The following ZNF540 variants were observed in gnomAD, a reference collection of about 807,000 sequenced individuals.
ZNF540 encodes zinc finger protein 540.
In ZNF540, 3 loss-of-function variants were observed where a neutral mutation model predicts 11.8. The ratio of observed to expected loss-of-function variants is 0.25; its 90% CI spans 0.12 to 0.65. ZNF540 has a LOEUF of 0.65. Among genes scored for constraint, ZNF540 ranks in the 30% least tolerant of loss-of-function variants. The probability of loss-of-function intolerance (pLI) is 0.83; values close to 1 mark genes in which losing one functional copy is unlikely to be tolerated. For missense variants in ZNF540, 709 were observed against 793.1 expected (o/e 0.89, Z 1.27); for synonymous variants, 247 against 259.0 (o/e 0.95, Z 0.45).
Position 37,602,579 on chromosome 19 carries a change from T to G in ZNF540, c.232+1474T>G, listed in dbSNP as rs568173150. 2.0e-5 allele frequency among the ~76,000 whole-genome samples: 3 copies of G among 152,240 alleles called. No homozygotes were observed. In the East Asian group the frequency reaches 5.8e-4, roughly 29 times the overall value. On this transcript the variant is annotated intron_variant, in intron 4 of 4. Coordinates refer to ENST00000316433, the MANE Select transcript of ZNF540 (RefSeq NM_001172225.3). ...ACAGAAAGTTTGCTGATTCCCTCCC[T>G]TTAGCGAATGAGTTTCATAGAATGA...
intron 4 of ZNF540, 196 bp from the exon 5 acceptor site, chr19:37,611,317 G>A (rs567136120): frequency 5.8e-5 from 24 of 414,232 alleles, no homozygotes; most frequent in Middle Eastern, 7.1e-4. Context: ...ATGAGCCACC[G>A]CGCCCGGCTA....
At chr19:37,603,624 A>ATC (rs2044057662) in intron 4 of ZNF540, among the ~76,000 whole-genome samples, 1 of 152,124 alleles carries the variant, frequency 6.6e-6, no homozygotes, top group Non-Finnish European at 1.5e-5. Flanking sequence ...GTTTACTTGC[A>ATC]TCTCAATAGC....
chr19:37,571,124 A>G (rs1020823751), intron 1 of ZNF540, among the ~76,000 whole-genome samples: 7 of 152,178 alleles, frequency 4.6e-5, no homozygotes, highest in African/African-American at 1.7e-4. Context: ...AGCATTTCTC[A>G]TCCAAATGCC....
At chr19:37,574,135 T>G (rs2043163406) in intron 1 of ZNF540, among the ~76,000 whole-genome samples, 1 of 152,212 alleles carries the variant, frequency 6.6e-6, no homozygotes, top group South Asian at 2.1e-4. Flanking sequence ...TATTTAAAAC[T>G]ATACTCTTTA....
At chr19:37,602,267 T>TA (rs60423940) in intron 4 of ZNF540, among the ~76,000 whole-genome samples, 3,751 of 152,178 alleles carry the variant, frequency 0.025, 167 homozygotes, top group African/African-American at 0.085. Context: ...AAGATGGAAA[T>TA]AGAGTCCTGA....
Position 37,581,725 on chromosome 19 carries a change from A to G in ZNF540, c.-72-16651A>G, listed in dbSNP as rs538040675. ...CAATTCACCCACCTCAGCCTCCCAA[A>G]GTACTGGGATTACAGGCTTGAGCCA... On this transcript the variant is annotated intron_variant, in intron 1 of 4. Transcript: ENST00000592533. Among the ~76,000 whole-genome samples the G allele has an allele frequency of 1.6e-3, 237 of 151,832 alleles. 6 individuals carry two copies. Among genetic ancestry groups the G allele is most frequent in the Admixed American group, 0.015 (222 of 15,270 alleles).
upstream of ZNF540, among the ~76,000 whole-genome samples, chr19:37,591,839 T>C (rs2043877742): frequency 6.6e-6 from 1 of 151,172 alleles, no homozygotes; most frequent in Non-Finnish European, 1.5e-5. Flanking sequence ...CCACCACACA[T>C]GGCCATGAAC....
Position 37,598,412 on chromosome 19 carries a change from T to A in ZNF540, c.-36T>A. ...CTTTGCTTCTCCAGCAGAATAATCC[T>A]GCGGAAGACTGAGCAGTTCTTGTGA... On this transcript the variant is annotated 5_prime_UTR_variant, in exon 2 of 5. Coordinates refer to ENST00000316433, the MANE Select transcript of ZNF540 (RefSeq NM_001172225.3). 6.2e-7 allele frequency: 1 copy of A among 1,612,634 alleles called. No homozygotes were observed. The highest frequency in any genetic ancestry group is 8.5e-7 in the Non-Finnish European group (1 of 1,179,394).
chr19:37,552,819 C>T (rs565743565), intron 1 of ZNF540, among the ~76,000 whole-genome samples: 27 of 151,948 alleles, frequency 1.8e-4, no homozygotes, highest in South Asian at 8.3e-4. Context: ...TGGTGGCGTG[C>T]GCCTGTAGTC....
chr19:37,566,627 C>T (rs1263610667), intron 1 of ZNF540: 1 of 201,562 alleles, frequency 5.0e-6, no homozygotes, highest in Non-Finnish European at 1.0e-5. Context: ...ATCAACAAAT[C>T]CTATCAGCTC....
chr19:37,582,773 T>C (rs1361129915), intron 1 of ZNF540, among the ~76,000 whole-genome samples: 1 of 152,202 alleles, frequency 6.6e-6, no homozygotes, highest in Non-Finnish European at 1.5e-5. Context: ...TAGCCTGTTC[T>C]CATCACCTCC....
At chr19:37,599,141 G>A (rs553962286) in intron 2 of ZNF540, among the ~76,000 whole-genome samples, 1 of 152,104 alleles carries the variant, frequency 6.6e-6, no homozygotes, top group African/African-American at 2.4e-5. Flanking sequence ...GTGGGCAACA[G>A]AGTGAGATCT....
chr19:37,571,170 A>G (rs374111050), intron 1 of ZNF540, among the ~76,000 whole-genome samples: 17 of 152,292 alleles, frequency 1.1e-4, no homozygotes, highest in African/African-American at 3.4e-4. Flanking sequence ...ACTGCCCATG[A>G]CCACACAACA....
At position 37,581,116 on chromosome 19, in the gene ZNF540, C is replaced by T. The variant is rs150225676; in HGVS notation, c.-72-17260C>T. Among the ~76,000 whole-genome samples, 46 of 152,272 alleles carry T rather than the reference C, an allele frequency of 3.0e-4. No individual in the cohort carries two copies. In the East Asian group the frequency reaches 8.7e-3, roughly 29 times the overall value. On this transcript the variant is annotated intron_variant, in intron 1 of 4. Transcript: ENST00000592533. ...ACCAAAGAACACTGAAGCCTTAAAA[C>T]GTGAGACCCCCTTGGGAAAAAGACA...
chr19:37,589,332 A>C (rs1368686924), intron 1 of ZNF540, among the ~76,000 whole-genome samples: 2 of 152,152 alleles, frequency 1.3e-5, no homozygotes, highest in Non-Finnish European at 2.9e-5. Flanking sequence ...AAATTGCCTA[A>C]AAGAATACAC....
upstream of ZNF540, among the ~76,000 whole-genome samples, chr19:37,592,560 T>G (rs942457701): frequency 6.6e-6 from 1 of 152,188 alleles, no homozygotes; most frequent in Non-Finnish European, 1.5e-5. Flanking sequence ...TGAGAATGCA[T>G]GCTTTAGGTG....
At position 37,564,951 on chromosome 19, in the gene ZNF540, GATGAT is replaced by G. The variant is rs1201100864; in HGVS notation, c.-73+13290_-73+13294del. On this transcript the variant is annotated intron_variant, in intron 1 of 4. Transcript: ENST00000592533. ...GGCTTTTCACCTGTATGAATTCTTT[GATGAT>G]ATGTAAGTTGTGTAGCACGTACAAA... is the stretch of plus-strand genomic sequence containing the variant. 4 of 1,613,744 alleles carry G rather than the reference GATGAT, an allele frequency of 2.5e-6. No individual in the cohort carries two copies. The East Asian group carries it at 8.9e-5, about 36-fold the overall frequency.
intron 1 of ZNF540, chr19:37,566,508 C>T (rs913319181): frequency 4.0e-6 from 2 of 498,224 alleles, no homozygotes; most frequent in Non-Finnish European, 6.8e-6. Flanking sequence ...TAGGTTAAGT[C>T]AGTGGTTCTC....
At chr19:37,578,374 C>G (rs1211178581) in intron 1 of ZNF540, among the ~76,000 whole-genome samples, 3 of 152,142 alleles carry the variant, frequency 2.0e-5, no homozygotes, top group African/African-American at 7.2e-5. Context: ...GTGAGAGTCC[C>G]TGGGGAAGCC....
Sources: gnomAD v4.1 joint callset for allele counts (sites outside exome capture counted in the v4.1 genomes callset) on GRCh38, gnomAD v4.1.1 for gene constraint, MANE v1.5 for transcripts, NCBI Gene and HGNC (gene_info 2026-07-23, HGNC 2026-07-21) for gene names.